Variants in CDH18 observed in about 807,000 individuals in gnomAD.
CDH18 encodes cadherin-18.
In CDH18, 31 loss-of-function variants were observed where a neutral mutation model predicts 67.9. That is an observed-to-expected ratio of 0.46 (90% CI 0.34 to 0.62). CDH18 has a LOEUF of 0.62. Ranked by LOEUF, CDH18 falls within the 20% of genes least tolerant of loss-of-function variation. The probability of loss-of-function intolerance (pLI) is 0.01; values close to 1 mark genes in which losing one functional copy is unlikely to be tolerated. For missense variants in CDH18, 890 were observed against 975.5 expected (o/e 0.91, Z 1.17); for synonymous variants, 362 against 347.2 (o/e 1.04, Z -0.48).
chr5:20,526,025 C>T (rs1756032125), intron 1 of CDH18, among the ~76,000 whole-genome samples: 1 of 151,422 alleles, frequency 6.6e-6, no homozygotes, highest in Non-Finnish European at 1.5e-5. Flanking sequence ...CACTGCAGCT[C>T]TAGTCAGTAG....
intron 5 of CDH18, among the ~76,000 whole-genome samples, chr5:19,669,249 A>G (rs1244732420): frequency 6.8e-6 from 1 of 146,366 alleles, no homozygotes; most frequent in South Asian, 2.1e-4. Flanking sequence ...GATATATATT[A>G]TATATAAAAT....
intron 5 of CDH18, among the ~76,000 whole-genome samples, chr5:19,704,790 TTTGTTATTAAGAA>T (rs1217601565): frequency 6.6e-6 from 1 of 152,142 alleles, no homozygotes; most frequent in Non-Finnish European, 1.5e-5. Flanking sequence ...TTCTCTAGTC[TTTGTTATTAAGAA>T]AAAATCAGGT....
At chr5:19,730,744 T>C (rs1767478487) in intron 4 of CDH18, among the ~76,000 whole-genome samples, 1 of 144,838 alleles carries the variant, frequency 6.9e-6, no homozygotes, top group South Asian at 2.3e-4. Flanking sequence ...TAAACAATCA[T>C]TTTCACACAG....
At chr5:19,675,386 G>A (rs1045154844) in intron 5 of CDH18, among the ~76,000 whole-genome samples, 6 of 151,972 alleles carry the variant, frequency 3.9e-5, no homozygotes, top group African/African-American at 7.2e-5. Context: ...ACTGGAGACC[G>A]GGGCTTATTT....
At chr5:20,386,234 T>C (rs1180384489) in intron 1 of CDH18, among the ~76,000 whole-genome samples, 2 of 152,198 alleles carry the variant, frequency 1.3e-5, no homozygotes, top group African/African-American at 4.8e-5. Context: ...AATATTCTTT[T>C]AATTCTTCTC....
At chr5:19,695,898 A>G (rs566566583) in intron 5 of CDH18, among the ~76,000 whole-genome samples, 8 of 152,340 alleles carry the variant, frequency 5.3e-5, no homozygotes, top group African/African-American at 1.9e-4. Context: ...AATAAGGTTG[A>G]TGGTACTGCT....
intron 1 of CDH18, among the ~76,000 whole-genome samples, chr5:20,434,823 C>T (rs568874157): frequency 6.6e-6 from 1 of 151,968 alleles, no homozygotes; most frequent in East Asian, 1.9e-4. Flanking sequence ...CACAAGCATT[C>T]AGGTGAAATA....
intron 1 of CDH18, among the ~76,000 whole-genome samples, chr5:20,303,889 C>T (rs966092988): frequency 2.0e-5 from 3 of 152,144 alleles, no homozygotes; most frequent in Non-Finnish European, 4.4e-5. Context: ...TGACACTTAA[C>T]ATTTAAAGGT....
chr5:19,794,566 CCTCT>C (rs944452112), intron 3 of CDH18, among the ~76,000 whole-genome samples: 26 of 151,574 alleles, frequency 1.7e-4, no homozygotes, highest in African/African-American at 6.3e-4. Flanking sequence ...TTTTTCTCTC[CCTCT>C]CTCTCTTTCT....
At chr5:20,417,158 AT>A (rs1303857280) in intron 1 of CDH18, among the ~76,000 whole-genome samples, 1 of 152,006 alleles carries the variant, frequency 6.6e-6, no homozygotes. Flanking sequence ...TTTGTTAGAT[AT>A]TTTTTCTTTC....
At chr5:19,986,119 C>T (rs573669764) in intron 1 of CDH18, among the ~76,000 whole-genome samples, 1 of 152,180 alleles carries the variant, frequency 6.6e-6, no homozygotes, top group East Asian at 1.9e-4. Context: ...TTTATAGCAG[C>T]TTTCATCTAA....
chr5:19,925,321 C>T (rs1487026755), intron 2 of CDH18, among the ~76,000 whole-genome samples: 3 of 152,052 alleles, frequency 2.0e-5, no homozygotes, highest in Non-Finnish European at 2.9e-5. Context: ...CTTCCAGGAT[C>T]ATTAGTGGCA....
chr5:20,439,233 AC>A (rs1334501128), intron 1 of CDH18, among the ~76,000 whole-genome samples: 7 of 151,680 alleles, frequency 4.6e-5, no homozygotes, highest in African/African-American at 1.7e-4. Context: ...TTGGGAGTCA[AC>A]AGCCTCACAC....
chr5:19,496,842 AG>A (rs1272082049), intron 11 of CDH18, among the ~76,000 whole-genome samples: 15 of 144,408 alleles, frequency 1.0e-4, no homozygotes, highest in African/African-American at 3.6e-4. Flanking sequence ...GGCTTTCAGG[AG>A]TGAGATTTTT....
chr5:19,928,648 G>A (rs1223190295), intron 2 of CDH18, among the ~76,000 whole-genome samples: 1 of 152,024 alleles, frequency 6.6e-6, no homozygotes, highest in Non-Finnish European at 1.5e-5. Flanking sequence ...ATGAACAATG[G>A]GCTAAGAGTA....
At chr5:19,847,232 A>G (rs1272249108) in intron 2 of CDH18, among the ~76,000 whole-genome samples, 2 of 151,878 alleles carry the variant, frequency 1.3e-5, no homozygotes, top group South Asian at 2.1e-4. Context: ...TCTTTTCTCA[A>G]TTTCTTATTT....
rs983993182 is a variant in CDH18 at position 19,652,409 on chromosome 5, A to G, written c.644-39808T>C. Among the ~76,000 whole-genome samples, 31 of 152,294 alleles carry G rather than the reference A, an allele frequency of 2.0e-4. 1 individual carries two copies. The highest frequency in any genetic ancestry group is 1.4e-3 in the Admixed American group (21 of 15,282). ...TTACCTTCTCGATTTCAAAGGAAAA[A>G]CAGACATTTGCCAGGCCAAAAAATA... On this transcript the variant is annotated intron_variant, in intron 5 of 12. Coordinates refer to ENST00000382275, the MANE Select transcript of CDH18 (RefSeq NM_004934.5).
chr5:20,520,452 G>T (rs756044653), intron 1 of CDH18, among the ~76,000 whole-genome samples: 1 of 152,218 alleles, frequency 6.6e-6, no homozygotes, highest in South Asian at 2.1e-4. Flanking sequence ...GCATAAGTTT[G>T]TACCACACAC....
intron 3 of CDH18, among the ~76,000 whole-genome samples, chr5:19,782,912 G>A (rs1351661973): frequency 2.0e-5 from 3 of 152,006 alleles, no homozygotes; most frequent in Non-Finnish European, 2.9e-5. Context: ...TATTTTGTGT[G>A]GCCTACACAA....
Sources: allele counts gnomAD v4.1 joint callset (sites outside exome capture counted in the v4.1 genomes callset), GRCh38; gene constraint gnomAD v4.1.1; transcripts MANE v1.5; gene names NCBI Gene and HGNC (gene_info 2026-07-23, HGNC 2026-07-21).